Variants in SMG9 observed in about 807,000 individuals in gnomAD.
The protein encoded by SMG9 is nonsense-mediated mRNA decay factor SMG9.
SMG9 carries 55 observed loss-of-function variants against 64.0 expected under a neutral mutation model. The observed-to-expected ratio is 0.86, with a 90% CI of 0.69 to 1.08. SMG9 has a LOEUF of 1.08. Among genes scored for constraint, SMG9 ranks in the 50% least tolerant of loss-of-function variants. The pLI, the probability that SMG9 is intolerant of heterozygous loss-of-function variation, is 0.00. For missense variants in SMG9, 554 were observed against 681.3 expected, an observed-to-expected ratio of 0.81 and a Z score of 2.08; for synonymous variants, 244 against 254.8, an observed-to-expected ratio of 0.96 and a Z score of 0.41.
chr19:43,746,647 TA>T (rs1271470656), intron 5 of SMG9, among the ~76,000 whole-genome samples: 2 of 151,194 alleles, frequency 1.3e-5, no homozygotes, highest in East Asian at 3.9e-4. Flanking sequence ...GTGACAGGTC[TA>T]GGGGAGAAAA....
intron 7 of SMG9, chr19:43,739,616 G>A (rs1272933849): frequency 6.5e-6 from 1 of 154,846 alleles, no homozygotes; most frequent in African/African-American, 2.4e-5. Context: ...GAGGAAAACT[G>A]CCAGGTAAAC....
chr19:43,751,147 T>C (rs1385471308), intron 1 of SMG9, among the ~76,000 whole-genome samples: 2 of 151,544 alleles, frequency 1.3e-5, no homozygotes, highest in African/African-American at 4.9e-5. Flanking sequence ...TTCTTCTTTT[T>C]TTTGAGACAG....
At chr19:43,744,527 T>C (rs1470540740) in intron 6 of SMG9, among the ~76,000 whole-genome samples, 2 of 147,510 alleles carry the variant, frequency 1.4e-5, no homozygotes, top group Admixed American at 1.3e-4. Flanking sequence ...CTAGGACCTG[T>C]ACCATTTCCT....
chr19:43,743,626 T>C (rs980441155), intron 6 of SMG9, among the ~76,000 whole-genome samples: 1 of 152,094 alleles, frequency 6.6e-6, no homozygotes, highest in Non-Finnish European at 1.5e-5. Context: ...GAAGACGCCA[T>C]CTCTACCAAA....
intron 5 of SMG9, among the ~76,000 whole-genome samples, chr19:43,745,809 C>T (rs1225742136): frequency 2.0e-5 from 3 of 152,176 alleles, no homozygotes; most frequent in African/African-American, 7.2e-5. Flanking sequence ...ACAGACCAGC[C>T]TGACCAACAT....
At chr19:43,746,320 C>A (rs932184965) in intron 5 of SMG9, among the ~76,000 whole-genome samples, 4 of 152,202 alleles carry the variant, frequency 2.6e-5, no homozygotes. Context: ...ATTAAAAATT[C>A]TGTTTGGTTG....
chr19:43,753,909 T>A (rs1341386746), intron 1 of SMG9, among the ~76,000 whole-genome samples: 10 of 138,500 alleles, frequency 7.2e-5, no homozygotes, highest in Admixed American at 7.1e-4. Context: ...AGCGAGACTC[T>A]TGTCTCAAAG....
intron 12 of SMG9, 23 bp from the exon 13 acceptor site, chr19:43,733,025 G>A (rs1278671468): frequency 6.3e-6 from 10 of 1,592,798 alleles, no homozygotes; most frequent in Middle Eastern, 1.7e-4. Context: ...GGCAGGGAGG[G>A]TAAGAGGGAT....
At chr19:43,742,948 C>T (rs781621835) in intron 6 of SMG9, among the ~76,000 whole-genome samples, 13 of 151,832 alleles carry the variant, frequency 8.6e-5, no homozygotes, top group Non-Finnish European at 1.6e-4. Context: ...ATAAGCTGGG[C>T]ATGGTAGTCC....
rs755545874 is a variant in SMG9 at position 43,740,170 on chromosome 19, G to GC, written c.749dup (p.Asn251GlnfsTer35). Reference sequence around the variant, plus strand: ...AGAAGTCGATGCCACTGGTCTGGTTGCCCCCTCGTTCCTTCATTTCAGCGC... The same window carrying GC: ...AGAAGTCGATGCCACTGGTCTGGTTGCCCCCCTCGTTCCTTCATTTCAGCGC... On this transcript the variant is annotated frameshift_variant, in exon 7 of 14. Transcript: ENST00000270066. LOFTEE classifies it high-confidence loss of function. The GC allele has an allele frequency of 2.6e-5, 42 of 1,614,002 alleles. No homozygotes were observed. The highest frequency in any genetic ancestry group is 3.5e-5 in the Non-Finnish European group (41 of 1,179,992).
chr19:43,737,697 G>C lies in SMG9; in HGVS notation c.910-15C>G, dbSNP rs747204093. 1.2e-6 allele frequency: 2 copies of C among 1,613,108 alleles called. No homozygotes were observed. The highest frequency in any genetic ancestry group is 2.2e-5 in the South Asian group (2 of 90,976). On this transcript the variant is annotated splice_polypyrimidine_tract_variant and intron_variant, in intron 8 of 13. Transcript: ENST00000270066. ...ATCTGGAGTGACTGAGGGTGGGCAGGATGGAAGGGAGGTGAGGACCTCTTC... is the reference window on the plus strand; with the variant it reads ...ATCTGGAGTGACTGAGGGTGGGCAGCATGGAAGGGAGGTGAGGACCTCTTC...
In SMG9 at chr19:43,749,165, C is replaced by T. The variant is rs114451391; in HGVS notation, c.151-1113G>A. Among the ~76,000 whole-genome samples, 733 of 152,224 alleles carry T rather than the reference C, an allele frequency of 4.8e-3. 9 individuals are homozygous for T. Among genetic ancestry groups the T allele is most frequent in the African/African-American group, 0.017 (699 of 41,536 alleles). On this transcript the variant is annotated intron_variant, in intron 2 of 13. Coordinates refer to ENST00000270066, the MANE Select transcript of SMG9 (RefSeq NM_019108.4). ...ATATTCAGTCTATACCTGGGATGAA[C>T]GCTGTGAGGGTAGAGAGAAGACACA...
At chr19:43,753,462 T>C (rs7248061) in intron 1 of SMG9, among the ~76,000 whole-genome samples, 31,026 of 143,218 alleles carry the variant, frequency 0.22, 3,225 homozygotes, top group African/African-American at 0.25. Flanking sequence ...GCTTTTCTTT[T>C]TTTTTTTTTT....
Position 43,731,461 on chromosome 19 carries a change from G to A in SMG9, c.*135C>T. The A allele has an allele frequency of 6.7e-7, 1 of 1,488,678 alleles. No individual in the cohort carries two copies. Among genetic ancestry groups the A allele is most frequent in the Admixed American group, 2.3e-5 (1 of 43,052 alleles). The allele number at this position is 1,488,678 out of a possible 1,614,324, so 92.2% of individuals were successfully genotyped here. ...CTGGCCCTGGACACCTCATGTCTCT[G>A]GGCCGGGAAGCCACGATCCCTCATC... is the stretch of plus-strand genomic sequence containing the variant. On this transcript the variant is annotated 3_prime_UTR_variant, in exon 14 of 14. Coordinates refer to ENST00000270066, the MANE Select transcript of SMG9 (RefSeq NM_019108.4).
intron 6 of SMG9, among the ~76,000 whole-genome samples, chr19:43,740,872 C>T (rs775785083): frequency 2.0e-5 from 3 of 152,074 alleles, no homozygotes; most frequent in African/African-American, 4.8e-5. Context: ...AGGGCCGTGC[C>T]CTAAACCACT....
At chr19:43,735,200 A>G (rs965303353) in intron 9 of SMG9, among the ~76,000 whole-genome samples, 4 of 152,174 alleles carry the variant, frequency 2.6e-5, no homozygotes, top group African/African-American at 9.7e-5. Context: ...GAGATAGCTC[A>G]TTTCTTTTCA....
At chr19:43,742,428 C>T (rs1968872638) in intron 6 of SMG9, among the ~76,000 whole-genome samples, 1 of 151,962 alleles carries the variant, frequency 6.6e-6, no homozygotes, top group African/African-American at 2.4e-5. Flanking sequence ...AGAGCAAGAC[C>T]CTCGTCTCTT....
Position 43,731,397 on chromosome 19 carries a change from C to T in SMG9, c.*199G>A. 7.2e-7 allele frequency: 1 copy of T among 1,391,664 alleles called. No individual in the cohort carries two copies. 86.2% of individuals were successfully genotyped at this position (1,391,664 alleles called of 1,614,324 possible). ...CTCAGGTTTGGGGTGGGATCGCTCA[C>T]AGTCACCCCCGGAACAGCCCCAACT... On this transcript the variant is annotated 3_prime_UTR_variant, in exon 14 of 14. Transcript: ENST00000270066.
chr19:43,737,046 G>A (rs184493974), intron 9 of SMG9, among the ~76,000 whole-genome samples: 105 of 152,300 alleles, frequency 6.9e-4, no homozygotes, highest in African/African-American at 2.3e-3. Flanking sequence ...GGCCGAGGCA[G>A]GTGGATCACC....
Sources: allele counts gnomAD v4.1 joint callset (sites outside exome capture counted in the v4.1 genomes callset), GRCh38; gene constraint gnomAD v4.1.1; transcripts MANE v1.5; gene names NCBI Gene and HGNC (gene_info 2026-07-23, HGNC 2026-07-21).